AXIN2: variants seen among roughly 807,000 people sequenced by gnomAD.
AXIN2 encodes the protein axin 2.
A neutral mutation model predicts 74.7 loss-of-function variants in AXIN2; 21 were observed. The observed-to-expected ratio is 0.28, with a 90% CI of 0.20 to 0.40. The LOEUF is 0.40. Ranked by LOEUF, AXIN2 falls within the 10% of genes least tolerant of loss-of-function variation. The probability of loss-of-function intolerance (pLI) is 1.00; values close to 1 mark genes in which losing one functional copy is unlikely to be tolerated. For synonymous variants in AXIN2, 532 were observed against 454.9 expected, an observed-to-expected ratio of 1.17 and a Z score of -2.16; for missense variants, 1,144 against 1,111.1, an observed-to-expected ratio of 1.03 and a Z score of -0.42.
intron 10 of AXIN2, 29 bp from the exon 11 acceptor site, chr17:65,530,131 G>A: frequency 1.9e-6 from 3 of 1,613,392 alleles, no homozygotes; most frequent in Non-Finnish European, 2.5e-6. Flanking sequence ...AAAGCTTCTT[G>A]GTAAACTGCA....
chr17:65,529,858 C>T lies in AXIN2; in HGVS notation c.*118G>A. 6.4e-7 allele frequency: 1 copy of T among 1,572,038 alleles called. No individual in the cohort carries two copies. Among genetic ancestry groups the T allele is most frequent in the Non-Finnish European group, 8.7e-7 (1 of 1,152,492 alleles). ...GCCCACTGGCCGATTCTTCCTTAGA[C>T]TTTGTCTTCTTCATTGGTTTAATTT... On this transcript the variant is annotated 3_prime_UTR_variant, in exon 11 of 11. Coordinates refer to ENST00000307078, the MANE Select transcript of AXIN2 (RefSeq NM_004655.4).
chr17:65,538,133 G>T (rs781583038), intron 5 of AXIN2, 70 bp downstream of exon 5: 1 of 1,609,162 alleles, frequency 6.2e-7, no homozygotes, highest in African/African-American at 1.4e-5. Flanking sequence ...CGCACCCCAT[G>T]CACATGCGCA....
At chr17:65,553,953 TAC>T (rs1000776627) in intron 2 of AXIN2, among the ~76,000 whole-genome samples, 1 of 151,882 alleles carries the variant, frequency 6.6e-6, no homozygotes, top group African/African-American at 2.4e-5. Flanking sequence ...TTTAAATTCC[TAC>T]ACAGAGTAGA....
At position 65,557,808 on chromosome 17, in the gene AXIN2, G is replaced by A. The variant is rs770848938; in HGVS notation, c.813C>T (p.Tyr271=). Residue 271 remains tyrosine, a splice_region_variant and synonymous_variant, in exon 2 of 11, where the codon TAC becomes TAT. Coordinates refer to ENST00000307078, the MANE Select transcript of AXIN2 (RefSeq NM_004655.4). ...VRSTETVDSG[Y]RSFKRSDPVN... ...ACCCGCCCCCGTCAAAGTCTTACCT[G>A]TATCCACTGTCAACAGTTTCCGTGG... The A allele has an allele frequency of 6.2e-7, 1 of 1,614,122 alleles. No homozygotes were observed. The highest frequency in any genetic ancestry group is 8.5e-7 in the Non-Finnish European group (1 of 1,180,010).
intron 2 of AXIN2, among the ~76,000 whole-genome samples, chr17:65,556,874 C>T: frequency 6.6e-6 from 1 of 152,192 alleles, no homozygotes; most frequent in South Asian, 2.1e-4. Context: ...CCCTGCCTGT[C>T]ATAAAACCAC....
chr17:65,537,937 C>G (rs577136523), intron 5 of AXIN2, 102 bp from the exon 6 acceptor site: 10 of 1,433,122 alleles, frequency 7.0e-6, no homozygotes, highest in Non-Finnish European at 6.6e-6. Flanking sequence ...CACGCACACC[C>G]GTGTGCACGC....
At chr17:65,545,986 T>C (rs114876284) in intron 3 of AXIN2, among the ~76,000 whole-genome samples, 3,401 of 152,072 alleles carry the variant, frequency 0.022, 144 homozygotes, top group African/African-American at 0.078. Context: ...CCTGGGTTTG[T>C]GTCTAATGAA....
At chr17:65,536,697 T>C in intron 7 of AXIN2, 144 bp from the exon 8 acceptor site, 2 of 1,372,340 alleles carry the variant, frequency 1.5e-6, no homozygotes, top group Non-Finnish European at 2.1e-6. Flanking sequence ...CAGGGGTCAG[T>C]GCCAAAACAT....
chr17:65,533,427 T>C (rs536261760), intron 10 of AXIN2, among the ~76,000 whole-genome samples: 2 of 152,326 alleles, frequency 1.3e-5, no homozygotes, highest in African/African-American at 4.8e-5. Flanking sequence ...TTCCTAGGCA[T>C]GGTTCCTGAC....
In AXIN2 at chr17:65,536,960, G is replaced by C. The variant is rs1057522718; in HGVS notation, c.1816C>G (p.Leu606Val). The C allele has an allele frequency of 2.5e-6, 4 of 1,613,312 alleles. No individual in the cohort carries two copies. The highest frequency in any genetic ancestry group is 2.5e-6 in the Non-Finnish European group (3 of 1,179,984). Residue 606 changes from leucine (L) to valine (V), a missense_variant, in exon 7 of 11, where the codon CTG becomes GTG. Around this residue, in one of 4 missense-constraint regions of AXIN2, gnomAD observed 1,053 missense variants for 973.5 expected, o/e 1.08. Transcript: ENST00000307078. ...EGGAPGGAGA[L>V]QLPREEGDRS... ...TCTCCTTCCTCCCGGGGAAGCTGCA[G>C]GGCCCCAGCTCCGCCGGGGGCCCCT...
chr17:65,541,153 C>T lies in AXIN2; in HGVS notation c.1059+302G>A, dbSNP rs779167235. The stretch of plus-strand genomic sequence containing the variant: ...TCCGACTCCCAAAGTGCTGAGATTA[C>T]AGGCATGAGCCACTGTGCCCAGCCG... On this transcript the variant is annotated intron_variant, in intron 4 of 10. Transcript: ENST00000307078. Among the ~76,000 whole-genome samples, 40 of 152,216 alleles carry T rather than the reference C, an allele frequency of 2.6e-4. 1 individual carries two copies. Among genetic ancestry groups the T allele is most frequent in the Admixed American group, 2.6e-3 (39 of 15,282 alleles).
chr17:65,528,796 C>T lies in AXIN2; in HGVS notation c.*1180G>A, dbSNP rs1015586349. The T allele has an allele frequency of 4.3e-5, 21 of 485,560 alleles. No homozygotes were observed. Among genetic ancestry groups the T allele is most frequent in the Non-Finnish European group, 7.6e-5 (20 of 261,522 alleles). 30.1% of individuals were successfully genotyped at this position (485,560 alleles called of 1,614,324 possible). Reference sequence around the variant, plus strand: ...GAAAGCTTGAGCCCTCAATATAGGGCGACACACGGAGCGGGTGACCGTGCA... The same window carrying T: ...GAAAGCTTGAGCCCTCAATATAGGGTGACACACGGAGCGGGTGACCGTGCA... On this transcript the variant is annotated 3_prime_UTR_variant, in exon 11 of 11. Coordinates refer to ENST00000307078, the MANE Select transcript of AXIN2 (RefSeq NM_004655.4).
intron 10 of AXIN2, among the ~76,000 whole-genome samples, chr17:65,530,814 C>T (rs2043803403): frequency 6.6e-6 from 1 of 152,226 alleles, no homozygotes; most frequent in Non-Finnish European, 1.5e-5. Flanking sequence ...CAGGGTCAAA[C>T]ACCAAAGGCC....
chr17:65,530,122 A>G lies in AXIN2; in HGVS notation c.2406-20T>C, dbSNP rs2144392432. ...TAATACCTTAAAAGGAAAACCAAAA[A>G]AGCTTCTTGGTAAACTGCATTTTCC... On this transcript the variant is annotated intron_variant, in intron 10 of 10. Coordinates refer to ENST00000307078, the MANE Select transcript of AXIN2 (RefSeq NM_004655.4). 6.2e-7 allele frequency: 1 copy of G among 1,613,934 alleles called. No individual in the cohort carries two copies. Among genetic ancestry groups the G allele is most frequent in the Non-Finnish European group, 8.5e-7 (1 of 1,179,908 alleles).
intron 10 of AXIN2, among the ~76,000 whole-genome samples, chr17:65,531,062 C>T (rs1006313845): frequency 1.5e-4 from 23 of 152,158 alleles, no homozygotes; most frequent in African/African-American, 4.6e-4. Flanking sequence ...TAAACTTGCC[C>T]CTGCAAGCTG....
intron 8 of AXIN2, 55 bp downstream of exon 8, chr17:65,536,265 G>A (rs2144438238): frequency 4.6e-6 from 7 of 1,527,192 alleles, no homozygotes; most frequent in Non-Finnish European, 5.3e-6. Flanking sequence ...CACAGACCAG[G>A]TCTCCACCCA....
intron 2 of AXIN2, among the ~76,000 whole-genome samples, chr17:65,556,854 C>T (rs542989694): frequency 1.3e-5 from 2 of 152,304 alleles, no homozygotes; most frequent in African/African-American, 4.8e-5. Context: ...CAGTCAAGTG[C>T]AGCCCCATCC....
intron 2 of AXIN2, among the ~76,000 whole-genome samples, chr17:65,550,315 T>G (rs899320617): frequency 3.3e-5 from 5 of 152,138 alleles, no homozygotes; most frequent in Admixed American, 3.3e-4. Flanking sequence ...CCCAGCTTCC[T>G]CTCCCCAGGA....
At chr17:65,558,870 G>A (rs1489208266) in intron 1 of AXIN2, 134 bp from the exon 2 acceptor site, 2 of 553,624 alleles carry the variant, frequency 3.6e-6, no homozygotes, top group South Asian at 4.5e-5. Context: ...AAGCAACCCA[G>A]CTATCTGCGA....
Sources: allele counts gnomAD v4.1 joint callset (sites outside exome capture counted in the v4.1 genomes callset), GRCh38; gene constraint gnomAD v4.1.1; regional missense constraint gnomAD v4.1.1; transcripts MANE v1.5; gene names NCBI Gene and HGNC (gene_info 2026-07-23, HGNC 2026-07-21).